The following ZMIZ1 variants were observed in gnomAD, a reference collection of about 807,000 sequenced individuals.
The protein encoded by ZMIZ1 is zinc finger MIZ-type containing 1, also known as zinc finger MIZ domain-containing protein 1.
In ZMIZ1, 17 loss-of-function variants were observed where a neutral mutation model predicts 113.9. The observed-to-expected ratio is 0.15, with a 90% CI of 0.10 to 0.22. ZMIZ1 has a LOEUF of 0.22. Among genes scored for constraint, ZMIZ1 ranks in the 10% least tolerant of loss-of-function variants. The pLI, the probability that ZMIZ1 is intolerant of heterozygous loss-of-function variation, is 1.00. For missense variants in ZMIZ1, 1,059 were observed against 1,477.8 expected (o/e 0.72, Z 4.65); for synonymous variants, 607 against 603.1 (o/e 1.01, Z -0.09).
chr10:79,174,374 T>C (rs1449018172), intron 4 of ZMIZ1, among the ~76,000 whole-genome samples: 1 of 152,162 alleles, frequency 6.6e-6, no homozygotes, highest in African/African-American at 2.4e-5. Context: ...CTCCCAGTTG[T>C]CGGCTCCAAA....
chr10:79,242,285 G>C (rs1159975958), intron 7 of ZMIZ1, among the ~76,000 whole-genome samples: 1 of 152,110 alleles, frequency 6.6e-6, no homozygotes, highest in Non-Finnish European at 1.5e-5. Context: ...CTCCCGGGGC[G>C]GGGCAGGGCC....
chr10:79,217,630 T>G (rs1848792524), intron 7 of ZMIZ1, among the ~76,000 whole-genome samples: 1 of 152,226 alleles, frequency 6.6e-6, no homozygotes, highest in African/African-American at 2.4e-5. Context: ...GAAAACGTTG[T>G]AAGGACATCT....
intron 1 of ZMIZ1, among the ~76,000 whole-genome samples, chr10:79,076,880 G>GT (rs1842491850): frequency 6.6e-6 from 1 of 152,122 alleles, no homozygotes; most frequent in Non-Finnish European, 1.5e-5. Context: ...TCTAGGGAGG[G>GT]TACAAGGTTT....
chr10:79,210,470 G>A (rs1044841493), intron 6 of ZMIZ1, among the ~76,000 whole-genome samples: 1 of 152,270 alleles, frequency 6.6e-6, no homozygotes, highest in Non-Finnish European at 1.5e-5. Flanking sequence ...GGAGCAAACA[G>A]GGACATATGC....
intron 3 of ZMIZ1, among the ~76,000 whole-genome samples, chr10:79,140,793 G>A (rs560524318): frequency 1.3e-5 from 2 of 152,096 alleles, no homozygotes; most frequent in Admixed American, 6.5e-5. Flanking sequence ...TTTTGTTTTT[G>A]TTTTTTTGAG....
intron 7 of ZMIZ1, among the ~76,000 whole-genome samples, chr10:79,234,974 T>G (rs1349105882): frequency 6.6e-6 from 1 of 152,226 alleles, no homozygotes. Context: ...CAAGCCCCTT[T>G]CCAGGTAGCA....
At chr10:79,167,292 T>G (rs1846397031) in intron 4 of ZMIZ1, among the ~76,000 whole-genome samples, 1 of 152,230 alleles carries the variant, frequency 6.6e-6, no homozygotes. Context: ...AGGGCAGATA[T>G]TTTACATTCT....
intron 8 of ZMIZ1, chr10:79,285,431 C>G (rs772557020): frequency 4.4e-6 from 2 of 455,242 alleles, no homozygotes; most frequent in African/African-American, 4.0e-5. Flanking sequence ...AAGGGAGGGG[C>G]TGAATCAGCC....
chr10:79,239,348 C>G (rs1029907844), intron 7 of ZMIZ1, among the ~76,000 whole-genome samples: 1 of 152,192 alleles, frequency 6.6e-6, no homozygotes, highest in African/African-American at 2.4e-5. Context: ...CCCACGTGTC[C>G]TGAGAAGGAC....
chr10:79,289,505 A>G lies in ZMIZ1; in HGVS notation c.426-270A>G, dbSNP rs369946957. ...ACTTCATCAGTTGCATGACCTGTGG[A>G]CTCGGGGATACAGGGAGACACACAG... On this transcript the variant is annotated intron_variant, in intron 8 of 24. Coordinates refer to ENST00000334512, the MANE Select transcript of ZMIZ1 (RefSeq NM_020338.4). Among the ~76,000 whole-genome samples, 46 of 152,224 alleles carry G rather than the reference A, an allele frequency of 3.0e-4. No homozygotes were observed. The East Asian group carries it at 8.5e-3, about 28-fold the overall frequency.
chr10:79,119,591 G>A (rs1324656819), intron 2 of ZMIZ1, among the ~76,000 whole-genome samples: 1 of 152,186 alleles, frequency 6.6e-6, no homozygotes, highest in Admixed American at 6.5e-5. Context: ...CTGCCCGCTG[G>A]CCTACTCTGC....
At chr10:79,271,830 G>T (rs993140660) in intron 7 of ZMIZ1, among the ~76,000 whole-genome samples, 1 of 152,170 alleles carries the variant, frequency 6.6e-6, no homozygotes, top group East Asian at 1.9e-4. Context: ...GCTGGGCAGA[G>T]GGGGCTTACG....
chr10:79,199,836 A>T (rs1847996113), intron 4 of ZMIZ1, among the ~76,000 whole-genome samples: 1 of 152,208 alleles, frequency 6.6e-6, no homozygotes, highest in Non-Finnish European at 1.5e-5. Context: ...TGAGAATTGC[A>T]CCAAGAGCTA....
intron 6 of ZMIZ1, among the ~76,000 whole-genome samples, chr10:79,208,727 T>C (rs1589426203): frequency 6.6e-6 from 1 of 152,228 alleles, no homozygotes; most frequent in East Asian, 1.9e-4. Context: ...CAGGTCACTG[T>C]TCCATCATAA....
chr10:79,176,255 G>A (rs376530374), intron 4 of ZMIZ1, among the ~76,000 whole-genome samples: 1 of 152,136 alleles, frequency 6.6e-6, no homozygotes, highest in Non-Finnish European at 1.5e-5. Flanking sequence ...CACCGTGTGA[G>A]TGGAGCCCCC....
chr10:79,097,067 G>A (rs946940431), intron 1 of ZMIZ1, among the ~76,000 whole-genome samples: 1 of 152,168 alleles, frequency 6.6e-6, no homozygotes, highest in Non-Finnish European at 1.5e-5. Flanking sequence ...GCTGAAACAC[G>A]GTGGGCACCA....
intron 1 of ZMIZ1, among the ~76,000 whole-genome samples, chr10:79,078,911 C>G (rs77507351): frequency 1.7e-3 from 255 of 152,070 alleles, no homozygotes; most frequent in African/African-American, 5.7e-3. Flanking sequence ...GGGAAACGCC[C>G]GCGTAAACAG....
chr10:79,157,675 G>C (rs192554314), intron 3 of ZMIZ1, among the ~76,000 whole-genome samples: 3 of 152,304 alleles, frequency 2.0e-5, no homozygotes, highest in East Asian at 1.9e-4. Flanking sequence ...GCTCTTCCCT[G>C]TGTCTGGATC....
At chr10:79,090,221 A>C (rs1251170125) in intron 1 of ZMIZ1, among the ~76,000 whole-genome samples, 1 of 152,222 alleles carries the variant, frequency 6.6e-6, no homozygotes, top group Non-Finnish European at 1.5e-5. Context: ...TCCCAGGTGC[A>C]GTGCCTGGGG....
Sources: allele counts gnomAD v4.1 joint callset (sites outside exome capture counted in the v4.1 genomes callset), GRCh38; gene constraint gnomAD v4.1.1; transcripts MANE v1.5; gene names NCBI Gene and HGNC (gene_info 2026-07-23, HGNC 2026-07-21).